Variants in RBFOX1 observed in about 807,000 individuals in gnomAD.
RBFOX1 encodes the protein RNA binding protein fox-1 homolog 1.
Under a neutral mutation model 57.7 loss-of-function variants are expected in RBFOX1, and 8 were observed. That is an observed-to-expected ratio of 0.14 (90% CI 0.08 to 0.25). RBFOX1 has a LOEUF of 0.25. Ranked by LOEUF, RBFOX1 falls within the 10% of genes least tolerant of loss-of-function variation. RBFOX1 has a pLI of 1.00. For synonymous variants in RBFOX1, 326 were observed against 222.4 expected (o/e 1.47, Z -4.15); for missense variants, 611 against 548.5 (o/e 1.11, Z -1.14).
At chr16:6,936,741 T>C (rs532285672) in intron 3 of RBFOX1, among the ~76,000 whole-genome samples, 1 of 152,210 alleles carries the variant, frequency 6.6e-6, no homozygotes, top group East Asian at 1.9e-4. Flanking sequence ...AGAGGTAGGG[T>C]AATTCCATAC....
intron 4 of RBFOX1, among the ~76,000 whole-genome samples, chr16:5,996,206 C>T (rs1199477646): frequency 6.6e-6 from 1 of 152,124 alleles, no homozygotes; most frequent in African/African-American, 2.4e-5. Context: ...TACTGAACTG[C>T]AAACAGTGGT....
intron 1 of RBFOX1, among the ~76,000 whole-genome samples, chr16:6,213,670 A>G (rs915049913): frequency 6.6e-6 from 1 of 152,226 alleles, no homozygotes; most frequent in Non-Finnish European, 1.5e-5. Context: ...TAAAGAGAAG[A>G]AGAAATACTG....
At chr16:5,704,631 T>A (rs1416366824) in intron 3 of RBFOX1, among the ~76,000 whole-genome samples, 3 of 152,200 alleles carry the variant, frequency 2.0e-5, no homozygotes, top group Non-Finnish European at 4.4e-5. Context: ...ATGCACCGGA[T>A]CTCAAGTTGA....
intron 2 of RBFOX1, among the ~76,000 whole-genome samples, chr16:6,648,506 G>A (rs1032727519): frequency 1.6e-4 from 25 of 152,254 alleles, no homozygotes; most frequent in East Asian, 9.7e-4. Context: ...GTCTAGTGCC[G>A]TGAGTCTAAT....
rs1328050547 is a variant in RBFOX1 at position 6,320,800 on chromosome 16, A to G, written c.-64+3743A>G. Among the ~76,000 whole-genome samples the G allele has an allele frequency of 1.1e-4, 16 of 152,116 alleles. No individual in the cohort carries two copies. The South Asian group carries it at 3.3e-3, about 32-fold the overall frequency. On this transcript the variant is annotated intron_variant, in intron 2 of 15. Coordinates refer to ENST00000550418, the MANE Select transcript of RBFOX1 (RefSeq NM_018723.4). ...AAAAAAAATTTGTTACTTTATTATT[A>G]TTATTATTTATGAGACAGAATCTCA...
chr16:6,747,861 T>G (rs984784282), intron 3 of RBFOX1, among the ~76,000 whole-genome samples: 3 of 152,170 alleles, frequency 2.0e-5, no homozygotes, highest in Non-Finnish European at 4.4e-5. Context: ...CATAAAACTT[T>G]CATAGGCAAT....
intron 1 of RBFOX1, among the ~76,000 whole-genome samples, chr16:6,204,089 T>C (rs1174770045): frequency 6.6e-6 from 1 of 152,088 alleles, no homozygotes; most frequent in Admixed American, 6.6e-5. Flanking sequence ...TCTAAACATG[T>C]CTTATTAAGT....
intron 1 of RBFOX1, among the ~76,000 whole-genome samples, chr16:6,172,367 C>G (rs1223523543): frequency 2.6e-5 from 4 of 152,198 alleles, no homozygotes; most frequent in Admixed American, 2.6e-4. Context: ...AAACTGAGCT[C>G]TGAAGCCCAA....
At chr16:6,299,392 G>C (rs8059982) in intron 1 of RBFOX1, among the ~76,000 whole-genome samples, 48,134 of 152,080 alleles carry the variant, frequency 0.32, 8,269 homozygotes, top group Middle Eastern at 0.4. Context: ...TAAAAATAGC[G>C]TTTTGAGATG....
At chr16:5,676,647 G>A (rs551282582) in intron 3 of RBFOX1, among the ~76,000 whole-genome samples, 20 of 152,272 alleles carry the variant, frequency 1.3e-4, no homozygotes, top group Admixed American at 1.1e-3. Flanking sequence ...GATCACTGGA[G>A]GCCAGGAGTC....
intron 4 of RBFOX1, among the ~76,000 whole-genome samples, chr16:7,403,874 T>C (rs979220607): frequency 1.6e-4 from 24 of 151,058 alleles, no homozygotes; most frequent in African/African-American, 5.8e-4. Flanking sequence ...ATGAATAATA[T>C]TCTAGTACGT....
intron 4 of RBFOX1, among the ~76,000 whole-genome samples, chr16:7,374,642 AAAAT>A (rs1285022816): frequency 6.6e-6 from 1 of 152,186 alleles, no homozygotes; most frequent in Non-Finnish European, 1.5e-5. Flanking sequence ...TAAAAACAAA[AAAAT>A]TAAAAATAAA....
chr16:5,579,348 A>G lies in RBFOX1; in HGVS notation c.259-19554A>G, dbSNP rs113084813. On this transcript the variant is annotated intron_variant, in intron 2 of 2. Coordinates refer to the RBFOX1 transcript ENST00000585867. ...TCCAGTCCTAGGAAATCTACTTCCT[A>G]ATCTCCTCTTTCTCATCACTCCTCT... Among the ~76,000 whole-genome samples the G allele has an allele frequency of 6.5e-3, 988 of 152,004 alleles. 12 individuals carry two copies. Among genetic ancestry groups the G allele is most frequent in the African/African-American group, 0.023 (953 of 41,440 alleles).
intron 1 of RBFOX1, among the ~76,000 whole-genome samples, chr16:5,404,870 C>G (rs78434351): frequency 2.0e-5 from 3 of 152,280 alleles, no homozygotes; most frequent in East Asian, 3.9e-4. Flanking sequence ...GTCTTAACCA[C>G]CAGGAAAAGA....
rs562589481 is a variant in RBFOX1, at chr16:6,867,054, T to C, written c.-15-185003T>C. On this transcript the variant is annotated intron_variant, in intron 3 of 15. Coordinates refer to ENST00000550418, the MANE Select transcript of RBFOX1 (RefSeq NM_018723.4). ...AAAAACTTCCATGTCTTGCTATTAT[T>C]ATGAGTTTGTATTTAAAAATTTCAT... is the stretch of plus-strand genomic sequence containing the variant. 1.3e-4 allele frequency among the ~76,000 whole-genome samples: 20 copies of C among 152,132 alleles called. No individual in the cohort carries two copies. The South Asian group carries it at 3.9e-3, about 30-fold the overall frequency.
At chr16:5,929,676 G>C (rs1251887824) in intron 4 of RBFOX1, among the ~76,000 whole-genome samples, 1 of 152,188 alleles carries the variant, frequency 6.6e-6, no homozygotes, top group African/African-American at 2.4e-5. Flanking sequence ...TTTGGTGTCA[G>C]ATTGGTCTGA....
At chr16:6,952,401 C>T (rs548226877) in intron 3 of RBFOX1, among the ~76,000 whole-genome samples, 34 of 152,204 alleles carry the variant, frequency 2.2e-4, no homozygotes, top group African/African-American at 8.2e-4. Flanking sequence ...AATCCCAGCA[C>T]TTTGTGAGGC....
At chr16:5,642,101 A>G (rs937313686) in intron 3 of RBFOX1, among the ~76,000 whole-genome samples, 7 of 152,112 alleles carry the variant, frequency 4.6e-5, no homozygotes, top group African/African-American at 1.4e-4. Flanking sequence ...TGAGGATCTC[A>G]AGCTGGGAGT....
chr16:6,937,268 A>G (rs950568543), intron 3 of RBFOX1, among the ~76,000 whole-genome samples: 3 of 152,094 alleles, frequency 2.0e-5, no homozygotes, highest in African/African-American at 7.2e-5. Context: ...ACAATTGCCA[A>G]CTCACGACCA....
Sources: gnomAD v4.1 joint callset for allele counts (sites outside exome capture counted in the v4.1 genomes callset) on GRCh38, gnomAD v4.1.1 for gene constraint, MANE v1.5 for transcripts, NCBI Gene and HGNC (gene_info 2026-07-23, HGNC 2026-07-21) for gene names.